The following SRGAP2C variants were observed in gnomAD, a reference collection of about 807,000 sequenced individuals.
SRGAP2C encodes the protein SLIT-ROBO Rho GTPase-activating protein 2C.
A neutral mutation model predicts 25.1 loss-of-function variants in SRGAP2C; 15 were observed. The observed-to-expected ratio is 0.60, with a 90% CI of 0.40 to 0.92. The LOEUF (loss-of-function observed/expected upper bound fraction) is 0.92. Among genes scored for constraint, SRGAP2C ranks in the 40% least tolerant of loss-of-function variants. The probability of loss-of-function intolerance (pLI) is 0.00; values close to 1 mark genes in which losing one functional copy is unlikely to be tolerated. For synonymous variants in SRGAP2C, 44 were observed against 96.6 expected (o/e 0.46, Z 3.19); for missense variants, 144 against 264.4 (o/e 0.54, Z 3.16).
At chr1:121,323,337 C>T (rs1364934921) in intron 3 of SRGAP2C, among the ~76,000 whole-genome samples, 5 of 151,840 alleles carry the variant, frequency 3.3e-5, no homozygotes, top group Admixed American at 6.6e-5. Flanking sequence ...CATCTAGGGC[C>T]GGGCGCAGTG....
chr1:121,229,006 A>C (rs1408245474), intron 2 of SRGAP2C, among the ~76,000 whole-genome samples: 1 of 151,310 alleles, frequency 6.6e-6, no homozygotes, highest in African/African-American at 2.4e-5. Flanking sequence ...CTGTTAAGAT[A>C]GGAGGGGGCT....
chr1:121,363,741 A>G (rs1659255856), intron 4 of SRGAP2C, among the ~76,000 whole-genome samples: 1 of 152,154 alleles, frequency 6.6e-6, no homozygotes, highest in African/African-American at 2.4e-5. Flanking sequence ...AATGCTATAG[A>G]ACAATAATAC....
At chr1:121,211,504 T>C (rs1655256543) in intron 2 of SRGAP2C, among the ~76,000 whole-genome samples, 1 of 150,932 alleles carries the variant, frequency 6.6e-6, no homozygotes, top group Non-Finnish European at 1.5e-5. Flanking sequence ...TTTTAAGTAT[T>C]TGTAATTTCT....
chr1:121,211,416 TACACACACACACACAC>T (rs200891136), intron 2 of SRGAP2C, among the ~76,000 whole-genome samples: 9 of 130,112 alleles, frequency 6.9e-5, no homozygotes, highest in Admixed American at 2.4e-4. Context: ...TATATACACA[TACACACACACACACAC>T]ACACACACAC....
At chr1:121,372,202 C>G (rs1156301659) in intron 5 of SRGAP2C, among the ~76,000 whole-genome samples, 1 of 151,852 alleles carries the variant, frequency 6.6e-6, no homozygotes, top group Non-Finnish European at 1.5e-5. Context: ...TGTCAGTGTC[C>G]CAGTATTCTT....
In SRGAP2C at chr1:121,357,663, G is replaced by A. The variant is rs1258599548; in HGVS notation, c.424-7630G>A. ...AAAAACAGAGAACGTTCTTCCCTTCGGGCCCACAGAGCCCATTGGAGGAAT... is the reference window on the plus strand; with the variant it reads ...AAAAACAGAGAACGTTCTTCCCTTCAGGCCCACAGAGCCCATTGGAGGAAT... On this transcript the variant is annotated intron_variant, in intron 4 of 9. Transcript: ENST00000367123. 1.8e-4 allele frequency among the ~76,000 whole-genome samples: 16 copies of A among 87,128 alleles called. No homozygotes were observed. The South Asian group carries it at 4.4e-3, about 24-fold the overall frequency. The allele number at this position is 87,128 out of a possible 152,430, so 57.2% of individuals were successfully genotyped here. A position where few individuals can be genotyped will look rare whatever the true frequency, so the allele number is the denominator to read the frequency against.
intron 3 of SRGAP2C, among the ~76,000 whole-genome samples, chr1:121,322,223 AT>A (rs1219688001): frequency 2.1e-5 from 3 of 146,154 alleles, no homozygotes; most frequent in Non-Finnish European, 4.5e-5. Context: ...TTTAAAAAGC[AT>A]GCTTACTGAG....
chr1:121,253,564 CT>C (rs1168464181), intron 2 of SRGAP2C, among the ~76,000 whole-genome samples: 31 of 125,554 alleles, frequency 2.5e-4, no homozygotes, highest in African/African-American at 8.5e-4. Flanking sequence ...CTATAAGACC[CT>C]AGTCTTCCAG....
In SRGAP2C at chr1:121,284,926, C is replaced by T; in HGVS notation, c.191C>T (p.Ser64Phe). 3.9e-6 allele frequency: 6 copies of T among 1,546,390 alleles called. 1 individual carries two copies. Among genetic ancestry groups the T allele is most frequent in the Non-Finnish European group, 4.4e-6 (5 of 1,144,662 alleles). Reference sequence around the variant, plus strand: ...AAGGCAGAGATTGAGATGGACTACTCCCGCAACCTGGAGAAGCTGGCAGAA... The same window carrying T: ...AAGGCAGAGATTGAGATGGACTACTTCCGCAACCTGGAGAAGCTGGCAGAA... Reference protein sequence around the residue: ...RKKAEIEMDYSRNLEKLAEHF... With the variant: ...RKKAEIEMDYFRNLEKLAEHF... Residue 64 changes from serine (S) to phenylalanine (F), a missense_variant, in exon 3 of 10, where the codon TCC becomes TTC. Transcript: ENST00000367123.
At chr1:121,272,869 G>T (rs1187723868) in intron 2 of SRGAP2C, among the ~76,000 whole-genome samples, 1 of 151,562 alleles carries the variant, frequency 6.6e-6, no homozygotes, top group Non-Finnish European at 1.5e-5. Context: ...TTTAATGGAG[G>T]CTTACTAGGC....
chr1:121,279,460 CAGGT>C (rs1401949889), intron 2 of SRGAP2C, among the ~76,000 whole-genome samples: 1 of 149,082 alleles, frequency 6.7e-6, no homozygotes, highest in Non-Finnish European at 1.5e-5. Context: ...TCTGCATTGG[CAGGT>C]GTTGTAATTT....
intron 1 of SRGAP2C, among the ~76,000 whole-genome samples, chr1:121,186,542 GGTCTGGGGCCAC>G (rs1468760217): frequency 2.0e-5 from 3 of 146,608 alleles, no homozygotes; most frequent in African/African-American, 7.4e-5. Flanking sequence ...CCCGGCCGGG[GGTCTGGGGCCAC>G]GTCGGGGGCT....
At chr1:121,319,532 A>G (rs1278637407) in intron 3 of SRGAP2C, among the ~76,000 whole-genome samples, 3 of 150,508 alleles carry the variant, frequency 2.0e-5, no homozygotes, top group Non-Finnish European at 3.0e-5. Context: ...ATTTTAGAGA[A>G]ATCCCTTTAA....
chr1:121,324,127 G>A (rs1658269399), intron 3 of SRGAP2C, among the ~76,000 whole-genome samples: 2 of 151,202 alleles, frequency 1.3e-5, no homozygotes, highest in East Asian at 2.0e-4. Context: ...TCAGTTGAAG[G>A]GGGATAATGG....
At chr1:121,376,343 CA>C (rs200648075) in intron 7 of SRGAP2C, among the ~76,000 whole-genome samples, 20,057 of 38,888 alleles carry the variant, frequency 0.52, 5,319 homozygotes, top group East Asian at 0.75. Flanking sequence ...GGTTTCTCCA[CA>C]AGCAAACCTG....
At chr1:121,261,094 ATTTTTTTTTTTTT>A (rs1211026484) in intron 2 of SRGAP2C, among the ~76,000 whole-genome samples, 10 of 26,246 alleles carry the variant, frequency 3.8e-4, no homozygotes, top group East Asian at 1.6e-3. Flanking sequence ...ACACCTGGCT[ATTTTTTTTTTTTT>A]TTTTTTTTTT....
chr1:121,213,273 C>T (rs1398215866), intron 2 of SRGAP2C, among the ~76,000 whole-genome samples: 38 of 141,500 alleles, frequency 2.7e-4, no homozygotes, highest in Non-Finnish European at 4.3e-4. Context: ...CTTGAACTCC[C>T]GGCCTCGAGC....
At chr1:121,321,616 A>T (rs1658205148) in intron 3 of SRGAP2C, among the ~76,000 whole-genome samples, 2 of 145,400 alleles carry the variant, frequency 1.4e-5, no homozygotes, top group African/African-American at 5.1e-5. Flanking sequence ...CATGCTGGCC[A>T]GGCTGGTCTT....
At position 121,295,506 on chromosome 1, in the gene SRGAP2C, C is replaced by T. The variant is rs1339052958; in HGVS notation, c.260+10511C>T. ...AAATATATATCTTCTTACCATGTGC[C>T]AGACACATGCCAGATACCCACCCCT... On this transcript the variant is annotated intron_variant, in intron 3 of 9. Transcript: ENST00000367123. 4.0e-5 allele frequency among the ~76,000 whole-genome samples: 6 copies of T among 151,762 alleles called. No homozygotes were observed. In the East Asian group the frequency reaches 9.8e-4, roughly 25 times the overall value.
Sources: gnomAD v4.1 joint callset for allele counts (sites outside exome capture counted in the v4.1 genomes callset) on GRCh38, gnomAD v4.1.1 for gene constraint, MANE v1.5 for transcripts, NCBI Gene and HGNC (gene_info 2026-07-23, HGNC 2026-07-21) for gene names.